The following PTPRD variants were observed in gnomAD, a reference collection of about 807,000 sequenced individuals.
PTPRD encodes the protein protein tyrosine phosphatase receptor type D.
A neutral mutation model predicts 214.5 loss-of-function variants in PTPRD; 34 were observed. That is an observed-to-expected ratio of 0.16 (90% CI 0.12 to 0.21). PTPRD has a LOEUF of 0.21. Ranked by LOEUF, PTPRD falls within the 10% of genes least tolerant of loss-of-function variation. The probability of loss-of-function intolerance (pLI) is 1.00; values close to 1 mark genes in which losing one functional copy is unlikely to be tolerated. For missense variants in PTPRD, 2,545 were observed against 2,398.7 expected, an observed-to-expected ratio of 1.06 and a Z score of -1.27; for synonymous variants, 1,128 against 845.7, an observed-to-expected ratio of 1.33 and a Z score of -5.79.
intron 5 of PTPRD, among the ~76,000 whole-genome samples, chr9:9,886,333 T>A (rs894558393): frequency 6.6e-5 from 10 of 152,136 alleles, no homozygotes; most frequent in African/African-American, 2.4e-4. Flanking sequence ...CACGGGCATT[T>A]ACATAAACAA....
At chr9:10,422,525 T>C (rs556592642) in intron 2 of PTPRD, among the ~76,000 whole-genome samples, 1 of 151,866 alleles carries the variant, frequency 6.6e-6, no homozygotes, top group Non-Finnish European at 1.5e-5. Context: ...ACAGGCAACC[T>C]ACAGAATGGG....
intron 5 of PTPRD, among the ~76,000 whole-genome samples, chr9:9,792,794 A>G (rs1261545323): frequency 6.6e-6 from 1 of 152,162 alleles, no homozygotes; most frequent in Non-Finnish European, 1.5e-5. Context: ...CAAAATCTAA[A>G]GCAGCTGGGA....
chr9:9,852,694 T>A (rs551721351), intron 5 of PTPRD, among the ~76,000 whole-genome samples: 1 of 152,254 alleles, frequency 6.6e-6, no homozygotes, highest in Non-Finnish European at 1.5e-5. Flanking sequence ...AAGTAACAAT[T>A]ACCAAATTTT....
intron 37 of PTPRD, among the ~76,000 whole-genome samples, chr9:8,383,546 T>C (rs868262621): frequency 5.5e-4 from 83 of 152,268 alleles, no homozygotes; most frequent in Admixed American, 1.8e-3. Context: ...TACTAATATA[T>C]GGCATCATCT....
At chr9:10,309,026 T>C (rs1596671491) in intron 3 of PTPRD, among the ~76,000 whole-genome samples, 1 of 152,054 alleles carries the variant, frequency 6.6e-6, no homozygotes, top group African/African-American at 2.4e-5. Context: ...TTTTGATATA[T>C]AAAGCCAAAT....
chr9:10,445,571 G>A (rs973988316), intron 2 of PTPRD, among the ~76,000 whole-genome samples: 1 of 152,040 alleles, frequency 6.6e-6, no homozygotes, highest in Admixed American at 6.6e-5. Flanking sequence ...TTACAAATTG[G>A]GTAGAAGAGA....
chr9:9,281,697 T>G (rs1947753531), intron 9 of PTPRD, among the ~76,000 whole-genome samples: 2 of 151,300 alleles, frequency 1.3e-5, no homozygotes, highest in Admixed American at 6.6e-5. Flanking sequence ...GGCAGTTTCT[T>G]ACAGAACTAA....
chr9:8,338,859 G>GAGAGAGAGAGAGAGAA, intron 43 of PTPRD, 63 bp downstream of exon 43: 1 of 1,506,388 alleles, frequency 6.6e-7, no homozygotes, highest in Non-Finnish European at 9.0e-7. Context: ...GAGAGAGAGA[G>GAGAGAGAGAGAGAGAA]AGAGAGGTAT....
At chr9:9,176,217 C>T (rs2099924766) in intron 10 of PTPRD, among the ~76,000 whole-genome samples, 1 of 152,102 alleles carries the variant, frequency 6.6e-6, no homozygotes, top group Non-Finnish European at 1.5e-5. Context: ...TACACTCTGC[C>T]ACCTATAATT....
At chr9:8,422,334 T>A (rs2094425230) in intron 35 of PTPRD, among the ~76,000 whole-genome samples, 2 of 152,090 alleles carry the variant, frequency 1.3e-5, no homozygotes, top group African/African-American at 4.8e-5. Flanking sequence ...ATAATTTGGG[T>A]TCTCACATAG....
rs1003934882 is a variant in PTPRD at position 9,434,224 on chromosome 9, T to G, written c.-236-36742A>C. Reference sequence around the variant, plus strand: ...TGTACAAACAGTGCCTAGATCTCTCTGAGCTTCTTCACTAGAGAATAAAAA... The same window carrying G: ...TGTACAAACAGTGCCTAGATCTCTCGGAGCTTCTTCACTAGAGAATAAAAA... On this transcript the variant is annotated intron_variant, in intron 8 of 45. Transcript: ENST00000381196. Among the ~76,000 whole-genome samples the G allele has an allele frequency of 4.1e-4, 62 of 152,200 alleles. 1 individual carries two copies. Among genetic ancestry groups the G allele is most frequent in the African/African-American group, 1.1e-3 (45 of 41,458 alleles).
intron 2 of PTPRD, among the ~76,000 whole-genome samples, chr9:10,558,355 AG>A (rs1256287516): frequency 6.6e-6 from 1 of 152,164 alleles, no homozygotes; most frequent in East Asian, 1.9e-4. Flanking sequence ...AAATAATAAA[AG>A]TTTCAGAGTC....
chr9:10,351,839 C>A (rs2097188816), intron 2 of PTPRD, among the ~76,000 whole-genome samples: 1 of 151,902 alleles, frequency 6.6e-6, no homozygotes, highest in Admixed American at 6.6e-5. Flanking sequence ...ATTCATTTCC[C>A]AAATGATGGT....
intron 3 of PTPRD, among the ~76,000 whole-genome samples, chr9:10,291,524 TAGAG>T (rs2095527929): frequency 6.6e-6 from 1 of 152,010 alleles, no homozygotes; most frequent in African/African-American, 2.4e-5. Flanking sequence ...GATTTTACCA[TAGAG>T]AGGAGAATTT....
chr9:10,407,078 G>A (rs886481383), intron 2 of PTPRD, among the ~76,000 whole-genome samples: 1 of 151,464 alleles, frequency 6.6e-6, no homozygotes, highest in African/African-American at 2.4e-5. Context: ...ATATTATAAT[G>A]CCCAACGTCT....
At position 8,341,115 on chromosome 9, in the gene PTPRD, T is replaced by G. The variant is rs1274172800; in HGVS notation, c.5101A>C (p.Asn1701His). ...CTGTATCCATCAATAAAACTGGCAT[T>G]GATGTAATCAGATCCTTCTACTCCA... is the stretch of plus-strand genomic sequence containing the variant. ...IRGVEGSDYI[N>H]ASFIDGYRQQ... The change falls in exon 41 of 46, where the codon AAT becomes CAT. Residue 1701 changes from asparagine to histidine, a missense_variant. By Grantham distance (68) the Asn-to-His change is moderately conservative. Transcript: ENST00000381196. The G allele has an allele frequency of 6.2e-7, 1 of 1,610,312 alleles. No individual in the cohort carries two copies. The highest frequency in any genetic ancestry group is 2.2e-5 in the East Asian group (1 of 44,764).
At chr9:10,365,636 T>C (rs16925876) in intron 2 of PTPRD, among the ~76,000 whole-genome samples, 18,140 of 152,194 alleles carry the variant, frequency 0.12, 1,600 homozygotes, top group African/African-American at 0.24. Context: ...GATTCTCTCA[T>C]AGTTTTTAGA....
At chr9:9,322,461 G>C (rs549125169) in intron 9 of PTPRD, among the ~76,000 whole-genome samples, 2 of 152,282 alleles carry the variant, frequency 1.3e-5, no homozygotes, top group South Asian at 4.1e-4. Context: ...GCAAGATGTG[G>C]AGTTTGATTT....
intron 9 of PTPRD, among the ~76,000 whole-genome samples, chr9:9,383,766 C>A (rs2063013957): frequency 6.6e-6 from 1 of 152,052 alleles, no homozygotes; most frequent in African/African-American, 2.4e-5. Context: ...ATATTTATTT[C>A]TCCCTTACGC....
Sources: gnomAD v4.1 joint callset for allele counts (sites outside exome capture counted in the v4.1 genomes callset) on GRCh38, gnomAD v4.1.1 for gene constraint, MANE v1.5 for transcripts, NCBI Gene and HGNC (gene_info 2026-07-23, HGNC 2026-07-21) for gene names.